The following CSMD1 variants were observed in gnomAD, a reference collection of about 807,000 sequenced individuals.
CSMD1 encodes CUB and sushi domain-containing protein 1.
CSMD1 carries 213 observed loss-of-function variants against 417.5 expected under a neutral mutation model. The observed-to-expected ratio is 0.51, with a 90% confidence interval of 0.46 to 0.57. The LOEUF is 0.57. Among genes scored for constraint, CSMD1 ranks in the 20% least tolerant of loss-of-function variants. CSMD1 has a pLI of 0.00. For synonymous variants in CSMD1, 2,862 were observed against 1,736.8 expected (o/e 1.65, Z -16.11); for missense variants, 6,923 against 4,529.7 (o/e 1.53, Z -15.17).
intron 37 of CSMD1, among the ~76,000 whole-genome samples, chr8:3,162,643 T>G (rs1481079260): frequency 6.6e-6 from 1 of 152,058 alleles, no homozygotes; most frequent in African/African-American, 2.4e-5. Flanking sequence ...GCCCTCTTAC[T>G]TTTGTTTTTC....
At chr8:3,548,321 T>C (rs1295944788) in intron 10 of CSMD1, among the ~76,000 whole-genome samples, 1 of 152,120 alleles carries the variant, frequency 6.6e-6, no homozygotes, top group Non-Finnish European at 1.5e-5. Flanking sequence ...CATAGGTAAT[T>C]GGGGAACAGG....
intron 11 of CSMD1, among the ~76,000 whole-genome samples, chr8:3,490,515 G>C (rs1200404051): frequency 1.3e-5 from 2 of 151,940 alleles, no homozygotes; most frequent in Admixed American, 6.6e-5. Context: ...TAGGTGTTTT[G>C]GTAATAATAA....
At chr8:3,683,237 AAAAT>A (rs899996590) in intron 7 of CSMD1, among the ~76,000 whole-genome samples, 2 of 151,744 alleles carry the variant, frequency 1.3e-5, no homozygotes, top group East Asian at 3.9e-4. Flanking sequence ...AAAATAATAA[AAAAT>A]AAATAAAAAA....
intron 3 of CSMD1, among the ~76,000 whole-genome samples, chr8:4,418,114 A>C (rs1200977083): frequency 6.6e-6 from 1 of 152,068 alleles, no homozygotes; most frequent in Non-Finnish European, 1.5e-5. Flanking sequence ...TTAGCCAACA[A>C]AGCACCTTTT....
chr8:3,669,388 T>C (rs533953276), intron 7 of CSMD1, among the ~76,000 whole-genome samples: 23 of 152,282 alleles, frequency 1.5e-4, no homozygotes, highest in African/African-American at 5.3e-4. Flanking sequence ...CTTGAGCTTC[T>C]TGGGCTGGCC....
chr8:4,002,171 C>A (rs1178909833), intron 4 of CSMD1, among the ~76,000 whole-genome samples: 2 of 151,954 alleles, frequency 1.3e-5, no homozygotes, highest in African/African-American at 2.4e-5. Context: ...ATCTTTAGCA[C>A]AGAATGAGGC....
intron 5 of CSMD1, among the ~76,000 whole-genome samples, chr8:3,814,477 C>CT (rs1801263942): frequency 6.6e-6 from 1 of 152,206 alleles, no homozygotes; most frequent in Admixed American, 6.5e-5. Flanking sequence ...CACTCCATAG[C>CT]TTTCAACTGT....
Position 4,045,149 on chromosome 8 carries a change from G to A in CSMD1, c.416-13050C>T, listed in dbSNP as rs576210756. ...CACCTGTGCCCTCCCACCTGCAGCG[G>A]CCACGCAGTCGTGGGCTGGGGTACC... On this transcript the variant is annotated intron_variant, in intron 3 of 69. Transcript: ENST00000635120. Among the ~76,000 whole-genome samples, 398 of 152,278 alleles carry A rather than the reference G, an allele frequency of 2.6e-3. 3 individuals carry two copies. The highest frequency in any genetic ancestry group is 9.0e-3 in the African/African-American group (376 of 41,566).
Position 3,271,974 on chromosome 8 carries a change from C to T in CSMD1, c.4153+12170G>A, listed in dbSNP as rs539925336. Among the ~76,000 whole-genome samples the T allele has an allele frequency of 5.3e-5, 8 of 152,166 alleles. No individual in the cohort carries two copies. The East Asian group carries it at 1.5e-3, about 29-fold the overall frequency. ...TCAATTTTGGCTTTTGTTGCCTTTG[C>T]TTTTTGTGTTTGAGACATGCAGTCC... On this transcript the variant is annotated intron_variant, in intron 26 of 69. Transcript: ENST00000635120.
intron 2 of CSMD1, among the ~76,000 whole-genome samples, chr8:4,517,365 A>G (rs1242102721): frequency 6.6e-6 from 1 of 152,164 alleles, no homozygotes; most frequent in African/African-American, 2.4e-5. Flanking sequence ...CAGTGCAGTC[A>G]TAGGTTAAAC....
In CSMD1 at chr8:3,411,774, G is replaced by C. The variant is rs796831778; in HGVS notation, c.1562-2169C>G. ...CGTGTATATACGTGTATATACGTGTGTATATACCTGTATATATACACGTAT... is the reference window on the plus strand; with the variant it reads ...CGTGTATATACGTGTATATACGTGTCTATATACCTGTATATATACACGTAT... On this transcript the variant is annotated intron_variant, in intron 12 of 69. Coordinates refer to ENST00000635120, the MANE Select transcript of CSMD1 (RefSeq NM_033225.6). 2.6e-5 allele frequency among the ~76,000 whole-genome samples: 3 copies of C among 115,242 alleles called. 1 individual carries two copies. The highest frequency in any genetic ancestry group is 5.7e-4 in the South Asian group (2 of 3,516). The allele number at this position is 115,242 out of a possible 152,430, so 75.6% of individuals were successfully genotyped here.
chr8:4,681,631 G>A (rs182330275), intron 1 of CSMD1, among the ~76,000 whole-genome samples: 1 of 152,258 alleles, frequency 6.6e-6, no homozygotes, highest in African/African-American at 2.4e-5. Context: ...GCTTCACTAT[G>A]TGCTTGGTTG....
rs1011534570 is a variant in CSMD1, at chr8:3,896,141, T to G, written c.818+101762A>C. Among the ~76,000 whole-genome samples the G allele has an allele frequency of 2.0e-5, 3 of 152,172 alleles. No homozygotes were observed. The East Asian group carries it at 5.8e-4, about 29-fold the overall frequency. ...TTGGGGCTTGAGTAACAAGCCCAAT[T>G]TGATTCAGTCAATGTAATGATTAAG... On this transcript the variant is annotated intron_variant, in intron 5 of 69. Coordinates refer to ENST00000635120, the MANE Select transcript of CSMD1 (RefSeq NM_033225.6).
At chr8:3,264,868 G>A (rs1468080829) in intron 26 of CSMD1, among the ~76,000 whole-genome samples, 2 of 151,878 alleles carry the variant, frequency 1.3e-5, no homozygotes, top group African/African-American at 2.4e-5. Flanking sequence ...GTGTGGGTGT[G>A]TGTGGCCTGT....
At chr8:3,911,436 G>T (rs959328133) in intron 5 of CSMD1, among the ~76,000 whole-genome samples, 1 of 151,622 alleles carries the variant, frequency 6.6e-6, no homozygotes, top group African/African-American at 2.4e-5. Flanking sequence ...GCTGAGGCAG[G>T]AGAATGGCGT....
chr8:4,729,304 G>T (rs2070789253), intron 1 of CSMD1, among the ~76,000 whole-genome samples: 1 of 152,174 alleles, frequency 6.6e-6, no homozygotes, highest in African/African-American at 2.4e-5. Flanking sequence ...AGTCATCGAT[G>T]ATCCACACAA....
intron 1 of CSMD1, among the ~76,000 whole-genome samples, chr8:4,877,999 A>G (rs2116942639): frequency 6.6e-6 from 1 of 152,228 alleles, no homozygotes; most frequent in East Asian, 1.9e-4. Context: ...GACCCTGTTC[A>G]GAAATAGGAC....
At chr8:4,221,657 C>T (rs1190413853) in intron 3 of CSMD1, among the ~76,000 whole-genome samples, 1 of 152,158 alleles carries the variant, frequency 6.6e-6, no homozygotes, top group African/African-American at 2.4e-5. Flanking sequence ...CCATCCCCTA[C>T]TTGACAGGAG....
At chr8:3,212,151 T>C (rs995287116) in intron 30 of CSMD1, among the ~76,000 whole-genome samples, 1 of 152,200 alleles carries the variant, frequency 6.6e-6, no homozygotes, top group Non-Finnish European at 1.5e-5. Flanking sequence ...CCCTCACCCA[T>C]GAGCACGCTG....
Sources: gnomAD v4.1 joint callset for allele counts (sites outside exome capture counted in the v4.1 genomes callset) on GRCh38, gnomAD v4.1.1 for gene constraint, MANE v1.5 for transcripts, NCBI Gene and HGNC (gene_info 2026-07-23, HGNC 2026-07-21) for gene names.